CNTNAP3B: variants seen among roughly 807,000 people sequenced by gnomAD.
The protein encoded by CNTNAP3B is contactin associated protein family member 3B, also known as contactin-associated protein-like 3B.
A neutral mutation model predicts 108.9 loss-of-function variants in CNTNAP3B; 25 were observed. That is an observed-to-expected ratio of 0.23 (90% CI 0.17 to 0.32). CNTNAP3B has a LOEUF of 0.32. Ranked by LOEUF, CNTNAP3B falls within the 10% of genes least tolerant of loss-of-function variation. The pLI, the probability that CNTNAP3B is intolerant of heterozygous loss-of-function variation, is 1.00. For missense variants in CNTNAP3B, 252 were observed against 1,210.4 expected (o/e 0.21, Z 11.75); for synonymous variants, 103 against 473.4 (o/e 0.22, Z 10.16).
rs1469848094 is a variant in CNTNAP3B at position 41,923,685 on chromosome 9, C to T, written c.2536+238G>A. On this transcript the variant is annotated intron_variant, in intron 16 of 23. Transcript: ENST00000377561. ...ACTGAGGCAGGAGAATTGCTTGAAC[C>T]CAGGAGGCTGAGGTTGCAGTGAGCC... 3.3e-4 allele frequency among the ~76,000 whole-genome samples: 50 copies of T among 152,372 alleles called. 1 individual carries two copies. The East Asian group carries it at 9.5e-3, about 29-fold the overall frequency.
intron 15 of CNTNAP3B, among the ~76,000 whole-genome samples, chr9:41,928,279 C>A (rs1364671247): frequency 3.9e-5 from 6 of 152,178 alleles, no homozygotes; most frequent in African/African-American, 1.4e-4. Context: ...AGAATATTTG[C>A]ATTGGTTCCC....
intron 14 of CNTNAP3B, among the ~76,000 whole-genome samples, chr9:41,936,146 A>T (rs1204470873): frequency 6.6e-6 from 1 of 152,296 alleles, no homozygotes; most frequent in Non-Finnish European, 1.5e-5. Flanking sequence ...CAGGTGTGGC[A>T]CTCGGCTGTA....
At chr9:41,973,095 G>A (rs112764138) in intron 9 of CNTNAP3B, among the ~76,000 whole-genome samples, 1,781 of 120,648 alleles carry the variant, frequency 0.015, 3 homozygotes, top group East Asian at 0.031. Context: ...GCACCACCAT[G>A]CCCTGCTAAT....
At chr9:42,124,091 T>G (rs1391585721) in intron 1 of CNTNAP3B, among the ~76,000 whole-genome samples, 3 of 138,664 alleles carry the variant, frequency 2.2e-5, no homozygotes, top group African/African-American at 8.6e-5. Context: ...TAATTTTAAT[T>G]GCTGCCTAAT....
chr9:42,055,477 C>T (rs1275600666), intron 3 of CNTNAP3B, among the ~76,000 whole-genome samples: 1 of 144,638 alleles, frequency 6.9e-6, no homozygotes, highest in East Asian at 2.0e-4. Flanking sequence ...GAGAACTGTA[C>T]TAACATATTT....
At chr9:42,055,211 TC>T (rs1455337076) in intron 3 of CNTNAP3B, among the ~76,000 whole-genome samples, 1 of 138,670 alleles carries the variant, frequency 7.2e-6, no homozygotes, top group Non-Finnish European at 1.5e-5. Flanking sequence ...TATATTTTTA[TC>T]CCATTCCCAT....
intron 14 of CNTNAP3B, among the ~76,000 whole-genome samples, chr9:41,931,895 T>C (rs1306676410): frequency 1.8e-3 from 276 of 150,514 alleles, no homozygotes; most frequent in African/African-American, 6.4e-3. Context: ...GCTCCAAGTT[T>C]CATTCCATTT....
At chr9:41,967,102 G>A (rs1376489809) in intron 10 of CNTNAP3B, among the ~76,000 whole-genome samples, 1 of 149,280 alleles carries the variant, frequency 6.7e-6, no homozygotes, top group African/African-American at 2.5e-5. Context: ...CCCCTTATCT[G>A]TCCCTAAGTA....
Position 41,944,503 on chromosome 9 carries a change from T to C in CNTNAP3B, c.2081-6103A>G, listed in dbSNP as rs1175502447. On this transcript the variant is annotated intron_variant, in intron 13 of 23. Transcript: ENST00000377561. ...GTAGATTGTTATAGTGTATATTTTA[T>C]ACTCAAAGGCTACCACTAAAACAAT... 7.2e-5 allele frequency among the ~76,000 whole-genome samples: 11 copies of C among 152,402 alleles called. No homozygotes were observed. In the East Asian group the frequency reaches 1.2e-3, roughly 16 times the overall value.
chr9:42,086,424 G>T (rs1827705272), intron 2 of CNTNAP3B, among the ~76,000 whole-genome samples: 2 of 138,660 alleles, frequency 1.4e-5, no homozygotes, highest in Non-Finnish European at 3.1e-5. Flanking sequence ...TTACATTTTT[G>T]CATTTACTTT....
chr9:42,088,873 A>G (rs1363743623), intron 2 of CNTNAP3B, among the ~76,000 whole-genome samples: 1 of 139,918 alleles, frequency 7.1e-6, no homozygotes, highest in Non-Finnish European at 1.5e-5. Context: ...AGCTTAGTGT[A>G]GCTTCTGACC....
intron 1 of CNTNAP3B, among the ~76,000 whole-genome samples, chr9:42,118,477 C>T (rs1399451950): frequency 6.6e-5 from 9 of 136,770 alleles, no homozygotes; most frequent in Non-Finnish European, 1.2e-4. Context: ...AATTCAAAGA[C>T]GCTTCATGCT....
In CNTNAP3B at chr9:42,108,855, C is replaced by T. The variant is rs564311058; in HGVS notation, c.86-4116G>A. ...ATGCTTTGTGATTCCCAGCATGGTGCCTATGAACGGTTTGGGACAGAAACC... is the reference window on the plus strand; with the variant it reads ...ATGCTTTGTGATTCCCAGCATGGTGTCTATGAACGGTTTGGGACAGAAACC... On this transcript the variant is annotated intron_variant, in intron 1 of 23. Transcript: ENST00000377561. Among the ~76,000 whole-genome samples, 6 of 140,378 alleles carry T rather than the reference C, an allele frequency of 4.3e-5. No homozygotes were observed. The East Asian group carries it at 8.5e-4, about 20-fold the overall frequency. 92.1% of individuals were successfully genotyped at this position (140,378 alleles called of 152,430 possible).
chr9:41,934,403 G>T (rs1588049186), intron 14 of CNTNAP3B, among the ~76,000 whole-genome samples: 1 of 152,238 alleles, frequency 6.6e-6, no homozygotes, highest in Admixed American at 6.5e-5. Context: ...TGTATTTTTA[G>T]TAGAGACGGG....
rs953203311 is a variant in CNTNAP3B, at chr9:42,094,972, C to T, written c.196+9657G>A. On this transcript the variant is annotated intron_variant, in intron 2 of 23. Coordinates refer to ENST00000377561, the MANE Select transcript of CNTNAP3B (RefSeq NM_001201380.3). ...ATACATGCATACACTGTAAAATGAT[C>T]GAATCAGGCTAATCAGCATATCAGT... is the stretch of plus-strand genomic sequence containing the variant. Among the ~76,000 whole-genome samples, 14 of 136,704 alleles carry T rather than the reference C, an allele frequency of 1.0e-4. 1 individual carries two copies. The highest frequency in any genetic ancestry group is 2.9e-4 in the Admixed American group (4 of 13,742). The allele number at this position is 136,704 out of a possible 152,430, so 89.7% of individuals were successfully genotyped here.
Position 42,080,196 on chromosome 9 carries a change from C to A in CNTNAP3B, c.197-3134G>T, listed in dbSNP as rs28542093. Among the ~76,000 whole-genome samples, 55 of 136,030 alleles carry A rather than the reference C, an allele frequency of 4.0e-4. 7 individuals carry two copies. The South Asian group carries it at 0.013, about 33-fold the overall frequency. The allele number at this position is 136,030 out of a possible 152,430, so 89.2% of individuals were successfully genotyped here. A position where few individuals can be genotyped will look rare whatever the true frequency, so the allele number is the denominator to read the frequency against. On this transcript the variant is annotated intron_variant, in intron 2 of 23. Transcript: ENST00000377561. ...AGCCACTAGCCATCCCTCTTCTCGGCATCCCTCACAGTTTGTTAGTTTGTT... is the reference window on the plus strand; with the variant it reads ...AGCCACTAGCCATCCCTCTTCTCGGAATCCCTCACAGTTTGTTAGTTTGTT...
intron 3 of CNTNAP3B, among the ~76,000 whole-genome samples, chr9:42,035,495 C>G (rs1427953406): frequency 6.8e-6 from 1 of 146,328 alleles, no homozygotes; most frequent in African/African-American, 2.6e-5. Context: ...ACTCTGGAAC[C>G]ACTCACTAAA....
At chr9:41,991,096 C>A (rs576988852) in intron 8 of CNTNAP3B, among the ~76,000 whole-genome samples, 1 of 130,800 alleles carries the variant, frequency 7.6e-6, no homozygotes, top group Admixed American at 7.7e-5. Context: ...TTCCAGGGTG[C>A]CCGGCTATCC....
At chr9:42,075,076 C>T (rs1221291147) in intron 3 of CNTNAP3B, among the ~76,000 whole-genome samples, 2 of 143,684 alleles carry the variant, frequency 1.4e-5, no homozygotes, top group African/African-American at 2.7e-5. Flanking sequence ...TGTGGCTTGT[C>T]CATGCATTAT....
Sources: gnomAD v4.1 joint callset for allele counts (sites outside exome capture counted in the v4.1 genomes callset) on GRCh38, gnomAD v4.1.1 for gene constraint, MANE v1.5 for transcripts, NCBI Gene and HGNC (gene_info 2026-07-23, HGNC 2026-07-21) for gene names.